LAMA2: variants seen among roughly 807,000 people sequenced by gnomAD.
LAMA2 encodes the protein laminin subunit alpha-2.
Under a neutral mutation model 364.8 loss-of-function variants are expected in LAMA2, and 269 were observed. The ratio of observed to expected loss-of-function variants is 0.74; its 90% confidence interval spans 0.67 to 0.82. The LOEUF is 0.82. Among genes scored for constraint, LAMA2 ranks in the 40% least tolerant of loss-of-function variants. The probability of loss-of-function intolerance (pLI) is 0.00; values close to 1 mark genes in which losing one functional copy is unlikely to be tolerated. For synonymous variants in LAMA2, 1,379 were observed against 1,370.6 expected, an observed-to-expected ratio of 1.01 and a Z score of -0.14; for missense variants, 3,807 against 3,873.2, an observed-to-expected ratio of 0.98 and a Z score of 0.45.
At chr6:129,023,458 G>T (rs142142994) in intron 1 of LAMA2, among the ~76,000 whole-genome samples, 1 of 151,908 alleles carries the variant, frequency 6.6e-6, no homozygotes, top group Admixed American at 6.6e-5. Flanking sequence ...CACTTCCATG[G>T]TATCTATTTC....
chr6:129,022,794 TAACTC>T (rs1315611444), intron 1 of LAMA2, among the ~76,000 whole-genome samples: 1 of 152,162 alleles, frequency 6.6e-6, no homozygotes, highest in East Asian at 1.9e-4. Context: ...GGCAGAATAA[TAACTC>T]AACAAAATAA....
rs1340622672 is a variant in LAMA2, at chr6:129,478,754, C to A, written c.7513C>A (p.Pro2505Thr). The A allele has an allele frequency of 6.2e-7, 1 of 1,612,474 alleles. No homozygotes were observed. The change falls in exon 54 of 65, where the codon CCG (proline) becomes ACG (threonine). Residue 2505 changes from proline (P) to threonine (T), a missense_variant. Around this residue, in one of 3 missense-constraint regions of LAMA2, gnomAD observed 3,333 missense variants for 3,345.7 expected, o/e 1.00. Transcript: ENST00000421865. The part of the protein sequence containing the change: ...CLKDIEISRT[P>T]YNILSSPDYV... ...CAAAGATATTGAAATTTCAAGAACT[C>A]CGTACAATATACTCAGTAGTCCCGA... is the stretch of plus-strand genomic sequence containing the variant.
In LAMA2 at chr6:129,416,160, G is replaced by A. The variant is rs1437995036; in HGVS notation, c.5866-11592G>A. Among the ~76,000 whole-genome samples, 5 of 43,424 alleles carry A rather than the reference G, an allele frequency of 1.2e-4. 1 individual carries two copies. Among genetic ancestry groups the A allele is most frequent in the Admixed American group, 7.9e-4 (4 of 5,046 alleles). 28.5% of individuals were successfully genotyped at this position (43,424 alleles called of 152,430 possible). ...GAGACGGGGTTTCACCGTTTTAGCC[G>A]GGATGGTCTCGATCTCCTGACCTCG... is the stretch of plus-strand genomic sequence containing the variant. On this transcript the variant is annotated intron_variant, in intron 40 of 64. Coordinates refer to ENST00000421865, the MANE Select transcript of LAMA2 (RefSeq NM_000426.4).
In LAMA2 at chr6:129,451,285, A is replaced by G. The variant is rs543076991; in HGVS notation, c.6430-1703A>G. ...TTCCATGATTTGTGAAGCAGGAACTAACTTCCCAACTGAAAACCACCCTAT... is the reference window on the plus strand; with the variant it reads ...TTCCATGATTTGTGAAGCAGGAACTGACTTCCCAACTGAAAACCACCCTAT... On this transcript the variant is annotated intron_variant, in intron 45 of 64. Coordinates refer to ENST00000421865, the MANE Select transcript of LAMA2 (RefSeq NM_000426.4). 4.6e-5 allele frequency among the ~76,000 whole-genome samples: 7 copies of G among 152,318 alleles called. No homozygotes were observed. In the East Asian group the frequency reaches 7.7e-4, roughly 17 times the overall value.
chr6:129,445,645 A>G (rs1782330059), intron 44 of LAMA2, 22 bp from the exon 45 acceptor site: 9 of 1,611,268 alleles, frequency 5.6e-6, no homozygotes, highest in Non-Finnish European at 7.6e-6. Context: ...ATATACATGC[A>G]CACTAATTTT....
intron 4 of LAMA2, among the ~76,000 whole-genome samples, chr6:129,119,873 G>T (rs1363669455): frequency 1.3e-5 from 2 of 152,144 alleles, no homozygotes; most frequent in Non-Finnish European, 2.9e-5. Flanking sequence ...ATATGCACTG[G>T]CACAAAATTG....
intron 40 of LAMA2, among the ~76,000 whole-genome samples, chr6:129,414,961 T>C (rs1034418642): frequency 6.6e-6 from 1 of 152,222 alleles, no homozygotes; most frequent in African/African-American, 2.4e-5. Context: ...GGAGATGTAG[T>C]TCACTTACAG....
At chr6:129,208,710 AAAGGG>A (rs1782875003) in intron 12 of LAMA2, among the ~76,000 whole-genome samples, 5 of 123,768 alleles carry the variant, frequency 4.0e-5, no homozygotes, top group South Asian at 6.5e-4. Flanking sequence ...GAAGGAAGGA[AAAGGG>A]AGGGAGGGAG....
intron 40 of LAMA2, among the ~76,000 whole-genome samples, chr6:129,406,212 CAT>C (rs1780241059): frequency 6.6e-6 from 1 of 152,078 alleles, no homozygotes; most frequent in African/African-American, 2.4e-5. Context: ...TATAAACACA[CAT>C]AGACAATCAA....
chr6:129,327,106 C>G (rs1436645639), intron 28 of LAMA2, among the ~76,000 whole-genome samples: 1 of 152,032 alleles, frequency 6.6e-6, no homozygotes. Context: ...TCAGCTTGCT[C>G]AAAGTTGGGA....
chr6:129,093,577 G>C (rs1295608497), intron 3 of LAMA2, among the ~76,000 whole-genome samples: 1 of 152,128 alleles, frequency 6.6e-6, no homozygotes, highest in Non-Finnish European at 1.5e-5. Flanking sequence ...ATTATTTTGA[G>C]ACTAAAGGAT....
intron 20 of LAMA2, among the ~76,000 whole-genome samples, chr6:129,296,144 T>A (rs2114446542): frequency 6.6e-6 from 1 of 152,138 alleles, no homozygotes; most frequent in Non-Finnish European, 1.5e-5. Flanking sequence ...TGTCATCATT[T>A]AATTTATTCA....
chr6:129,226,040 T>C (rs1195628501), intron 12 of LAMA2, among the ~76,000 whole-genome samples: 1 of 152,228 alleles, frequency 6.6e-6, no homozygotes, highest in Non-Finnish European at 1.5e-5. Context: ...CATATATATT[T>C]AGGATAGTTA....
At chr6:128,922,875 T>G (rs1213168227) in intron 1 of LAMA2, among the ~76,000 whole-genome samples, 2 of 152,108 alleles carry the variant, frequency 1.3e-5, no homozygotes, top group African/African-American at 4.8e-5. Flanking sequence ...CATCTTGAAT[T>G]GATTTTTGTA....
At chr6:129,169,638 C>G (rs540722125) in intron 9 of LAMA2, among the ~76,000 whole-genome samples, 1 of 147,834 alleles carries the variant, frequency 6.8e-6, no homozygotes. Context: ...TTGGTTGTGT[C>G]TCTGCCTGGC....
chr6:129,453,495 C>T (rs1017379700), intron 46 of LAMA2, among the ~76,000 whole-genome samples: 8 of 152,112 alleles, frequency 5.3e-5, no homozygotes, highest in Admixed American at 2.0e-4. Flanking sequence ...ACAATAAACT[C>T]TTCCGTTAAT....
intron 57 of LAMA2, 44 bp from the exon 58 acceptor site, chr6:129,492,271 A>G (rs751438975): frequency 6.3e-7 from 1 of 1,597,816 alleles, no homozygotes; most frequent in Non-Finnish European, 8.6e-7. Context: ...GTAAGGAAGC[A>G]AAAAAACGAA....
chr6:129,445,911 A>G (rs1359088596), intron 45 of LAMA2, 90 bp downstream of exon 45: 1 of 1,310,656 alleles, frequency 7.6e-7, no homozygotes, highest in Non-Finnish European at 1.1e-6. Flanking sequence ...TTCCCCGTTG[A>G]ATGATCTTGG....
chr6:129,281,506 T>C (rs539262770), intron 18 of LAMA2, among the ~76,000 whole-genome samples: 21 of 152,316 alleles, frequency 1.4e-4, no homozygotes, highest in African/African-American at 5.1e-4. Context: ...TTTAAAACCC[T>C]ACATTTTATT....
Sources: gnomAD v4.1 joint callset for allele counts (sites outside exome capture counted in the v4.1 genomes callset) on GRCh38, gnomAD v4.1.1 for gene constraint, gnomAD v4.1.1 regional missense constraint, MANE v1.5 for transcripts, NCBI Gene and HGNC (gene_info 2026-07-23, HGNC 2026-07-21) for gene names.